The following AUTS2 variants were observed in gnomAD, a reference collection of about 807,000 sequenced individuals.
The protein encoded by AUTS2 is activator of transcription and developmental regulator AUTS2, also known as autism susceptibility gene 2 protein.
AUTS2 carries 17 observed loss-of-function variants against 112.4 expected under a neutral mutation model. The ratio of observed to expected loss-of-function variants is 0.15; its 90% CI spans 0.10 to 0.23. The LOEUF (loss-of-function observed/expected upper bound fraction) is 0.23, where lower values mean the gene tolerates loss of function less well. Ranked by LOEUF, AUTS2 falls within the 10% of genes least tolerant of loss-of-function variation. The probability of loss-of-function intolerance (pLI) is 1.00; values close to 1 mark genes in which losing one functional copy is unlikely to be tolerated. For synonymous variants in AUTS2, 751 were observed against 702.7 expected (o/e 1.07, Z -1.09); for missense variants, 1,510 against 1,701.6 (o/e 0.89, Z 1.98).
chr7:69,961,201 GA>G (rs1180889260), intron 2 of AUTS2, among the ~76,000 whole-genome samples: 1 of 152,094 alleles, frequency 6.6e-6, no homozygotes, highest in African/African-American at 2.4e-5. Context: ...ACAGAGTCTT[GA>G]ATGTAACTGG....
At chr7:69,665,220 C>T (rs1471685907) in intron 1 of AUTS2, among the ~76,000 whole-genome samples, 2 of 152,194 alleles carry the variant, frequency 1.3e-5, no homozygotes, top group Non-Finnish European at 2.9e-5. Context: ...TCTCTCCTCC[C>T]CTAAGCCTTT....
At chr7:69,777,807 T>C (rs577299837) in intron 1 of AUTS2, among the ~76,000 whole-genome samples, 1 of 152,228 alleles carries the variant, frequency 6.6e-6, no homozygotes, top group Admixed American at 6.5e-5. Context: ...CTTTGGATGG[T>C]ATGGGGAGAG....
intron 6 of AUTS2, among the ~76,000 whole-genome samples, chr7:70,723,579 T>C (rs1180904660): frequency 1.3e-5 from 2 of 151,808 alleles, no homozygotes; most frequent in Non-Finnish European, 2.9e-5. Flanking sequence ...GCTGTACAGA[T>C]TGTCAAGTGC....
At chr7:70,765,108 A>G in intron 8 of AUTS2, 103 bp downstream of exon 8, 1 of 1,456,264 alleles carries the variant, frequency 6.9e-7, no homozygotes. Context: ...ATTTGCCTAC[A>G]ATTTTTTCCT....
chr7:69,891,284 G>A (rs967063561), intron 1 of AUTS2, among the ~76,000 whole-genome samples: 22 of 152,216 alleles, frequency 1.4e-4, no homozygotes, highest in Admixed American at 9.8e-4. Flanking sequence ...ATTTTGAGAC[G>A]TATTCATGCC....
rs1327835360 is a variant in AUTS2 at position 69,973,791 on chromosome 7, G to GTGTATTTAT, written c.522+74294_522+74295insGTATTTATT. On this transcript the variant is annotated intron_variant, in intron 2 of 18. Coordinates refer to ENST00000342771, the MANE Select transcript of AUTS2 (RefSeq NM_015570.4). The stretch of plus-strand genomic sequence containing the variant: ...GCAAGCCTGGAAAAAGTTCTATTTA[G>GTGTATTTAT]TCAATGTGTATAATTCTTTGTATGT... Among the ~76,000 whole-genome samples the GTGTATTTAT allele has an allele frequency of 7.2e-5, 11 of 152,158 alleles. No homozygotes were observed. In the East Asian group the frequency reaches 1.7e-3, roughly 24 times the overall value.
rs368555282 is a variant in AUTS2 at position 69,708,219 on chromosome 7, C to T, written c.309+108257C>T. ...ACTGGTTTGTTAATATCTACAGAAA[C>T]ACACACAGGAAAAATATTCTAGAGC... On this transcript the variant is annotated intron_variant, in intron 1 of 18. Transcript: ENST00000342771. Among the ~76,000 whole-genome samples, 3 of 152,174 alleles carry T rather than the reference C, an allele frequency of 2.0e-5. No individual in the cohort carries two copies. In the East Asian group the frequency reaches 5.8e-4, roughly 29 times the overall value.
At chr7:69,748,218 T>C (rs527710552) in intron 1 of AUTS2, among the ~76,000 whole-genome samples, 1 of 152,258 alleles carries the variant, frequency 6.6e-6, no homozygotes, top group South Asian at 2.1e-4. Flanking sequence ...GAAGTTCACA[T>C]ACTGTTAGGA....
chr7:69,745,070 A>G (rs901107279), intron 1 of AUTS2, among the ~76,000 whole-genome samples: 1 of 152,130 alleles, frequency 6.6e-6, no homozygotes, highest in African/African-American at 2.4e-5. Context: ...TCCCCATTGC[A>G]TTAGTTGTTT....
At chr7:70,397,884 G>A (rs757963851) in intron 4 of AUTS2, among the ~76,000 whole-genome samples, 1 of 152,150 alleles carries the variant, frequency 6.6e-6, no homozygotes, top group Non-Finnish European at 1.5e-5. Flanking sequence ...CACAATTTTA[G>A]TGTTTAAATT....
intron 5 of AUTS2, among the ~76,000 whole-genome samples, chr7:70,664,375 G>T (rs1307137300): frequency 6.6e-6 from 1 of 152,140 alleles, no homozygotes; most frequent in African/African-American, 2.4e-5. Context: ...ATTTTGTGTT[G>T]TTGTTGAACT....
intron 1 of AUTS2, among the ~76,000 whole-genome samples, chr7:69,671,483 GCTGGTGTGTGTGTGTGT>G (rs1796321455): frequency 1.5e-5 from 2 of 135,970 alleles, no homozygotes; most frequent in Non-Finnish European, 3.1e-5. Flanking sequence ...TGCTGCTGCT[GCTGGTGTGTGTGTGTGT>G]GTGTGTGTGT....
chr7:70,680,594 G>C (rs1374493071), intron 5 of AUTS2, among the ~76,000 whole-genome samples: 2 of 152,134 alleles, frequency 1.3e-5, no homozygotes, highest in Non-Finnish European at 2.9e-5. Context: ...AAACTCAGCT[G>C]GTCATTTTGC....
At chr7:69,675,705 CTA>C (rs1257914661) in intron 1 of AUTS2, among the ~76,000 whole-genome samples, 2 of 151,886 alleles carry the variant, frequency 1.3e-5, no homozygotes, top group Non-Finnish European at 2.9e-5. Flanking sequence ...CGGGGTTTCT[CTA>C]TGCTGGCCAG....
intron 4 of AUTS2, among the ~76,000 whole-genome samples, chr7:70,286,876 A>G (rs1308453145): frequency 6.6e-6 from 1 of 152,220 alleles, no homozygotes; most frequent in Non-Finnish European, 1.5e-5. Context: ...AAAATTGGAC[A>G]CATGAGCTAC....
Position 69,825,006 on chromosome 7 carries a change from A to G in AUTS2, c.310-74280A>G, listed in dbSNP as rs185017824. Among the ~76,000 whole-genome samples the G allele has an allele frequency of 9.3e-3, 1,423 of 152,352 alleles. 7 individuals carry two copies. Among genetic ancestry groups the G allele is most frequent in the Non-Finnish European group, 0.013 (882 of 68,028 alleles). ...TGTTTACTGGTGATTTTGTGTGGAT[A>G]GTAACTTAAAATCAAGAAACATTTT... On this transcript the variant is annotated intron_variant, in intron 1 of 18. Transcript: ENST00000342771.
chr7:70,744,614 G>T (rs544107019), intron 6 of AUTS2, among the ~76,000 whole-genome samples: 3 of 152,160 alleles, frequency 2.0e-5, no homozygotes, highest in African/African-American at 7.2e-5. Flanking sequence ...CCTGGCTGCC[G>T]GGCGCATGCC....
At chr7:70,455,269 C>G (rs1796689244) in intron 5 of AUTS2, among the ~76,000 whole-genome samples, 1 of 152,174 alleles carries the variant, frequency 6.6e-6, no homozygotes, top group Non-Finnish European at 1.5e-5. Context: ...AGCCCCTAAC[C>G]ATGCAGCTTT....
intron 4 of AUTS2, among the ~76,000 whole-genome samples, chr7:70,329,259 TA>T (rs927552013): frequency 3.3e-5 from 5 of 152,226 alleles, no homozygotes; most frequent in African/African-American, 1.2e-4. Flanking sequence ...TATACTTGTT[TA>T]TGTACCTCGT....
Sources: gnomAD v4.1 joint callset for allele counts (sites outside exome capture counted in the v4.1 genomes callset) on GRCh38, gnomAD v4.1.1 for gene constraint, MANE v1.5 for transcripts, NCBI Gene and HGNC (gene_info 2026-07-23, HGNC 2026-07-21) for gene names.